The following IRAG2 variants were observed in gnomAD, a reference collection of about 807,000 sequenced individuals.
IRAG2 encodes lymphoid restricted membrane protein.
IRAG2 carries 45 observed loss-of-function variants against 69.9 expected under a neutral mutation model. That is an observed-to-expected ratio of 0.64 (90% CI 0.51 to 0.83). The LOEUF is 0.83. Among genes scored for constraint, IRAG2 ranks in the 40% least tolerant of loss-of-function variants. The pLI is 0.00. For synonymous variants in IRAG2, 193 were observed against 202.4 expected (o/e 0.95, Z 0.40); for missense variants, 520 against 587.0 (o/e 0.89, Z 1.18).
chr12:25,027,133 G>A (rs906880757), intron 9 of IRAG2, among the ~76,000 whole-genome samples: 2 of 151,538 alleles, frequency 1.3e-5, no homozygotes, highest in Non-Finnish European at 2.9e-5. Flanking sequence ...CGTTCACAGA[G>A]TTGTACAACC....
intron 9 of IRAG2, among the ~76,000 whole-genome samples, chr12:25,029,153 G>C (rs969260201): frequency 6.6e-6 from 1 of 152,012 alleles, no homozygotes; most frequent in Non-Finnish European, 1.5e-5. Context: ...AGCTGATCTT[G>C]AACTCCTTCC....
At chr12:25,100,000 G>GAAAACAAAAAAAAAAAAAAAAAAAAAA (rs1948656181) in intron 15 of IRAG2, among the ~76,000 whole-genome samples, 1 of 25,680 alleles carries the variant, frequency 3.9e-5, no homozygotes, top group African/African-American at 2.9e-4. Flanking sequence ...GACTCCATCT[G>GAAAACAAAAAAAAAAAAAAAAAAAAAA]AAAAAAAAAA....
chr12:25,081,056 T>G (rs1947170869), intron 9 of IRAG2, among the ~76,000 whole-genome samples: 1 of 152,236 alleles, frequency 6.6e-6, no homozygotes, highest in African/African-American at 2.4e-5. Flanking sequence ...ATACCTACGA[T>G]AAGTTTAATT....
chr12:25,090,770 AGGTT>A, intron 14 of IRAG2: 1 of 438,740 alleles, frequency 2.3e-6, no homozygotes, highest in Non-Finnish European at 4.5e-6. Flanking sequence ...TTTTTAAAGT[AGGTT>A]GCATGAGTCA....
chr12:25,004,175 A>T (rs1285848480), upstream of IRAG2, among the ~76,000 whole-genome samples: 3 of 152,230 alleles, frequency 2.0e-5, no homozygotes, highest in East Asian at 5.8e-4. Context: ...ATGCATGGAA[A>T]ATTTGCTTAG....
chr12:25,056,633 G>A (rs1565541545), intron 1 of IRAG2, among the ~76,000 whole-genome samples: 1 of 152,142 alleles, frequency 6.6e-6, no homozygotes, highest in Non-Finnish European at 1.5e-5. Context: ...GTTGATATTT[G>A]TGTTCTGCTA....
intron 18 of IRAG2, 27 bp from the exon 19 acceptor site, chr12:25,103,982 C>A (rs1204614339): frequency 6.2e-7 from 1 of 1,609,780 alleles, no homozygotes; most frequent in Admixed American, 1.7e-5. Context: ...TTTATCATTT[C>A]TTTTAACATT....
intron 16 of IRAG2, among the ~76,000 whole-genome samples, 153 bp downstream of exon 16, chr12:25,101,478 G>T (rs968270190): frequency 2.0e-5 from 3 of 152,144 alleles, no homozygotes; most frequent in Admixed American, 2.0e-4. Flanking sequence ...AGCTAAAAGT[G>T]AGGTGTCAGA....
chr12:25,020,036 C>T (rs1357911381), intron 6 of IRAG2, among the ~76,000 whole-genome samples: 1 of 152,208 alleles, frequency 6.6e-6, no homozygotes, highest in South Asian at 2.1e-4. Context: ...TCTTCAATGC[C>T]TAGCACAGTG....
At chr12:25,083,799 CAGT>C (rs1947382557) in intron 10 of IRAG2, among the ~76,000 whole-genome samples, 1 of 152,170 alleles carries the variant, frequency 6.6e-6, no homozygotes, top group Admixed American at 6.5e-5. Context: ...AAATATTTCT[CAGT>C]AGAGGACTGC....
At chr12:25,082,639 A>AAAC in intron 9 of IRAG2, among the ~76,000 whole-genome samples, 1 of 152,128 alleles carries the variant, frequency 6.6e-6, no homozygotes, top group East Asian at 1.9e-4. Context: ...AAACAAAACA[A>AAAC]AACAAAAAAC....
intron 13 of IRAG2, among the ~76,000 whole-genome samples, chr12:25,034,658 G>T (rs543513661): frequency 4.1e-4 from 63 of 152,278 alleles, no homozygotes; most frequent in Non-Finnish European, 5.9e-4. Context: ...TTAGAAAAAT[G>T]CTTTCTTTTC....
At position 25,101,168 on chromosome 12, in the gene IRAG2, C is replaced by T. The variant is rs758053791; in HGVS notation, c.742-10C>T. 3 of 1,582,002 alleles carry T rather than the reference C, an allele frequency of 1.9e-6. No individual in the cohort carries two copies. The highest frequency in any genetic ancestry group is 1.8e-5 in the Admixed American group (1 of 54,734). ...TTCAATGTAAATGTGCTCGTTTTTT[C>T]TCTTGCTAGGAAAGCCGGGTTAGTA... On this transcript the variant is annotated splice_polypyrimidine_tract_variant and intron_variant, in intron 15 of 21. Coordinates refer to ENST00000556887, the MANE Select transcript of IRAG2 (RefSeq NM_001366544.2).
At chr12:25,022,985 G>A (rs1591928263) in intron 7 of IRAG2, among the ~76,000 whole-genome samples, 1 of 152,164 alleles carries the variant, frequency 6.6e-6, no homozygotes, top group Non-Finnish European at 1.5e-5. Context: ...AAGTAGCCAG[G>A]TGTGGTGGCA....
intron 15 of IRAG2, 37 bp from the exon 16 acceptor site, chr12:25,101,141 T>G (rs763217387): frequency 1.3e-6 from 2 of 1,564,280 alleles, no homozygotes; most frequent in Admixed American, 1.8e-5. Flanking sequence ...GAGAGTAGTA[T>G]TTTCAATGTA....
At chr12:25,000,738 T>C (rs146095780), upstream of IRAG2, among the ~76,000 whole-genome samples, 109 of 152,382 alleles carry the variant, frequency 7.2e-4, no homozygotes, top group African/African-American at 2.5e-3. Context: ...ACCATCTTTA[T>C]GTAGTAAATA....
Position 25,106,857 on chromosome 12 carries a change from G to A in IRAG2, c.1149-86G>A, listed in dbSNP as rs960656422. 8.0e-6 allele frequency: 4 copies of A among 500,268 alleles called. No individual in the cohort carries two copies. In the African/African-American group the frequency reaches 8.0e-5, roughly 10 times the overall value. The allele number at this position is 500,268 out of a possible 1,614,324, so 31.0% of individuals were successfully genotyped here. On this transcript the variant is annotated intron_variant, in intron 20 of 21. Transcript: ENST00000556887. The stretch of plus-strand genomic sequence containing the variant: ...GAACAAATATTTGTGAGCCTCTTGA[G>A]TTACAGTAAGATTCAGCAATATTTT...
Position 25,023,352 on chromosome 12 carries a change from C to T in IRAG2, c.1333-519C>T, listed in dbSNP as rs534488681. ...AGTTTTGCAAAATTCTTAACCTACC[C>T]TTGAAATTTACTGTTAACATTTTGG... On this transcript the variant is annotated intron_variant, in intron 7 of 38. Coordinates refer to the IRAG2 transcript ENST00000636465. Among the ~76,000 whole-genome samples, 3 of 152,086 alleles carry T rather than the reference C, an allele frequency of 2.0e-5. No homozygotes were observed. The South Asian group carries it at 6.2e-4, about 32-fold the overall frequency.
At chr12:25,097,082 C>A in intron 15 of IRAG2, 38 bp downstream of exon 15, 1 of 1,547,730 alleles carries the variant, frequency 6.5e-7, no homozygotes, top group Non-Finnish European at 8.7e-7. Flanking sequence ...AATGAAATTA[C>A]AAAAAAGATT....
Sources: gnomAD v4.1 joint callset for allele counts (sites outside exome capture counted in the v4.1 genomes callset) on GRCh38, gnomAD v4.1.1 for gene constraint, MANE v1.5 for transcripts, NCBI Gene and HGNC (gene_info 2026-07-23, HGNC 2026-07-21) for gene names.